Variants in ANO2 observed in about 807,000 individuals in gnomAD.
The protein encoded by ANO2 is anoctamin-2.
A neutral mutation model predicts 124.2 loss-of-function variants in ANO2; 101 were observed. That is an observed-to-expected ratio of 0.81 (90% CI 0.69 to 0.96). The LOEUF (loss-of-function observed/expected upper bound fraction) is 0.96, where lower values mean the gene tolerates loss of function less well. Among genes scored for constraint, ANO2 ranks in the 40% least tolerant of loss-of-function variants. The pLI, the probability that ANO2 is intolerant of heterozygous loss-of-function variation, is 0.00. For synonymous variants in ANO2, 486 were observed against 482.5 expected, an observed-to-expected ratio of 1.01 and a Z score of -0.09; for missense variants, 1,293 against 1,274.5, an observed-to-expected ratio of 1.01 and a Z score of -0.22.
At chr12:5,852,025 A>G in intron 4 of ANO2, 1 of 712,054 alleles carries the variant, frequency 1.4e-6, no homozygotes, top group Non-Finnish European at 2.6e-6. Flanking sequence ...TGAGGTTAAG[A>G]GAACATTACA....
intron 3 of ANO2, among the ~76,000 whole-genome samples, chr12:5,886,334 T>C (rs1938903308): frequency 6.6e-6 from 1 of 152,222 alleles, no homozygotes; most frequent in Admixed American, 6.5e-5. Context: ...GTGACATCGA[T>C]GAGCCTGGAG....
chr12:5,868,424 C>T (rs146572640), intron 3 of ANO2, among the ~76,000 whole-genome samples: 1 of 151,950 alleles, frequency 6.6e-6, no homozygotes, highest in Non-Finnish European at 1.5e-5. Flanking sequence ...TCTGATCAAG[C>T]AGAAAAATAA....
chr12:5,850,848 C>T (rs1954868714), intron 4 of ANO2, among the ~76,000 whole-genome samples: 1 of 152,180 alleles, frequency 6.6e-6, no homozygotes, highest in South Asian at 2.1e-4. Context: ...ATTGAGAATA[C>T]ACATTAAAAT....
intron 4 of ANO2, chr12:5,852,031 T>A (rs1380188130): frequency 7.0e-6 from 5 of 709,660 alleles, no homozygotes; most frequent in African/African-American, 1.7e-5. Context: ...TAAGAGAACA[T>A]TACACATTCA....
chr12:5,638,795 T>C (rs1431962076), intron 15 of ANO2, among the ~76,000 whole-genome samples: 4 of 152,054 alleles, frequency 2.6e-5, no homozygotes, highest in African/African-American at 9.7e-5. Context: ...TGGTTCCTGT[T>C]GCTTTTGGTG....
chr12:5,872,821 C>T lies in ANO2; in HGVS notation c.535-18680G>A, dbSNP rs115572516. ...CTGGAACCTGTCAGCCCTCCAAGTT[C>T]CTATCTTTGTCACCTACAGAGTTAC... On this transcript the variant is annotated intron_variant, in intron 3 of 24. Transcript: ENST00000682330. Among the ~76,000 whole-genome samples, 312 of 152,206 alleles carry T rather than the reference C, an allele frequency of 2.0e-3. 1 individual carries two copies. The highest frequency in any genetic ancestry group is 6.5e-3 in the African/African-American group (268 of 41,516).
intron 14 of ANO2, among the ~76,000 whole-genome samples, chr12:5,729,091 A>G (rs996628968): frequency 1.3e-5 from 2 of 152,248 alleles, no homozygotes; most frequent in African/African-American, 4.8e-5. Context: ...TTTCTTAGAT[A>G]TAACACAAAA....
intron 14 of ANO2, among the ~76,000 whole-genome samples, chr12:5,709,589 C>T (rs533950253): frequency 1.4e-4 from 22 of 152,334 alleles, no homozygotes; most frequent in African/African-American, 3.8e-4. Context: ...AGGTAAGCCA[C>T]GGGAAGCAGG....
chr12:5,766,623 G>A (rs1951897787), intron 10 of ANO2, among the ~76,000 whole-genome samples: 1 of 152,186 alleles, frequency 6.6e-6, no homozygotes, highest in Non-Finnish European at 1.5e-5. Context: ...TTGGTTGCAT[G>A]GAAGATGCAG....
intron 7 of ANO2, among the ~76,000 whole-genome samples, chr12:5,807,816 C>T (rs567727359): frequency 4.1e-4 from 62 of 152,332 alleles, no homozygotes; most frequent in African/African-American, 1.4e-3. Context: ...ACTGATCTGC[C>T]GCCTGGACCA....
At chr12:5,761,011 T>G (rs939286046) in intron 10 of ANO2, among the ~76,000 whole-genome samples, 4 of 134,534 alleles carry the variant, frequency 3.0e-5, no homozygotes, top group African/African-American at 1.1e-4. Flanking sequence ...GGCTCTGTAG[T>G]AAAACTTCAT....
At chr12:5,868,784 G>A (rs755178460) in intron 3 of ANO2, among the ~76,000 whole-genome samples, 15 of 152,206 alleles carry the variant, frequency 9.9e-5, no homozygotes, top group Admixed American at 7.2e-4. Flanking sequence ...GCCTGAGACC[G>A]CAGGTCTGGA....
chr12:5,782,138 A>AT (rs1425375039), intron 10 of ANO2, among the ~76,000 whole-genome samples: 1 of 152,190 alleles, frequency 6.6e-6, no homozygotes, highest in African/African-American at 2.4e-5. Context: ...AGGTACACAC[A>AT]TATTTAGGAT....
chr12:5,688,733 A>G (rs568507191), intron 14 of ANO2, among the ~76,000 whole-genome samples: 17 of 152,064 alleles, frequency 1.1e-4, no homozygotes, highest in African/African-American at 3.6e-4. Flanking sequence ...AGTTCATCCA[A>G]GTCTAGGGTG....
chr12:5,818,472 TATATATATATATA>T (rs1953683562), intron 7 of ANO2, among the ~76,000 whole-genome samples: 1 of 85,986 alleles, frequency 1.2e-5, no homozygotes, highest in Non-Finnish European at 2.1e-5. Context: ...TATATATATA[TATATATATATATA>T]TATATATATG....
At chr12:5,744,398 C>T in intron 11 of ANO2, 81 bp from the exon 12 acceptor site, 1 of 1,501,694 alleles carries the variant, frequency 6.7e-7, no homozygotes, top group Non-Finnish European at 9.1e-7. Context: ...CAAATAGCTC[C>T]CATTTCCAAA....
At chr12:5,868,180 T>C (rs1048299557) in intron 3 of ANO2, among the ~76,000 whole-genome samples, 2 of 152,152 alleles carry the variant, frequency 1.3e-5, no homozygotes, top group African/African-American at 2.4e-5. Flanking sequence ...ACACCATTAA[T>C]ATATACATGT....
intron 3 of ANO2, among the ~76,000 whole-genome samples, chr12:5,911,734 A>T (rs1278228796): frequency 6.6e-6 from 1 of 152,122 alleles, no homozygotes; most frequent in African/African-American, 2.4e-5. Flanking sequence ...GTCTGCATAG[A>T]CTCTATAATG....
At chr12:5,860,547 A>G (rs767406298) in intron 3 of ANO2, among the ~76,000 whole-genome samples, 9 of 152,330 alleles carry the variant, frequency 5.9e-5, no homozygotes, top group Non-Finnish European at 1.0e-4. Context: ...ATCTCTAAAA[A>G]TTAGCTACCA....
Sources: allele counts gnomAD v4.1 joint callset (sites outside exome capture counted in the v4.1 genomes callset), GRCh38; gene constraint gnomAD v4.1.1; transcripts MANE v1.5; gene names NCBI Gene and HGNC (gene_info 2026-07-23, HGNC 2026-07-21).